The following DENND5A variants were observed in gnomAD, a reference collection of about 807,000 sequenced individuals.
DENND5A encodes DENN domain-containing protein 5A.
DENND5A carries 64 observed loss-of-function variants against 140.3 expected under a neutral mutation model. The ratio of observed to expected loss-of-function variants is 0.46; its 90% CI spans 0.37 to 0.56. The LOEUF is 0.56. Ranked by LOEUF, DENND5A falls within the 20% of genes least tolerant of loss-of-function variation. The pLI, the probability that DENND5A is intolerant of heterozygous loss-of-function variation, is 0.00. For synonymous variants in DENND5A, 605 were observed against 607.7 expected, an observed-to-expected ratio of 1.00 and a Z score of 0.07; for missense variants, 1,292 against 1,593.8, an observed-to-expected ratio of 0.81 and a Z score of 3.22.
rs1323281962 is a variant in DENND5A, at chr11:9,165,938, G to T, written c.2181C>A (p.Gly727=). Residue 727 remains glycine, a synonymous_variant, in exon 11 of 23, where the codon GGC becomes GGA. Transcript: ENST00000328194. The part of the protein sequence containing the change: ...EKYIQEARTM[G]STIRQPKLSN... The stretch of plus-strand genomic sequence containing the variant: ...ACAGTTTGGGCTGGCGGATAGTGCT[G>T]CCCATAGTCCTGGCTTCCTGGATGT... The T allele has an allele frequency of 3.1e-6, 5 of 1,614,152 alleles. No homozygotes were observed. Among genetic ancestry groups the T allele is most frequent in the Non-Finnish European group, 3.4e-6 (4 of 1,179,984 alleles).
intron 4 of DENND5A, among the ~76,000 whole-genome samples, chr11:9,194,617 A>C (rs991882873): frequency 4.0e-5 from 6 of 151,644 alleles, no homozygotes; most frequent in Non-Finnish European, 5.9e-5. Flanking sequence ...CAGAGGATTG[A>C]CTTTAGCTAC....
intron 1 of DENND5A, among the ~76,000 whole-genome samples, chr11:9,218,091 C>A (rs1027643488): frequency 6.6e-6 from 1 of 151,932 alleles, no homozygotes; most frequent in Admixed American, 6.6e-5. Context: ...CCCATCTGTA[C>A]AAAATAATAA....
intron 1 of DENND5A, among the ~76,000 whole-genome samples, chr11:9,249,311 G>T (rs1363355819): frequency 1.3e-5 from 2 of 151,732 alleles, no homozygotes; most frequent in African/African-American, 4.8e-5. Flanking sequence ...CATGTAATTT[G>T]TTATAAATCA....
intron 5 of DENND5A, among the ~76,000 whole-genome samples, chr11:9,189,871 C>G (rs572553953): frequency 6.6e-6 from 1 of 152,154 alleles, no homozygotes; most frequent in Non-Finnish European, 1.5e-5. Flanking sequence ...AACTCCCGAC[C>G]TCAGGTGATC....
At position 9,214,041 on chromosome 11, in the gene DENND5A, A is replaced by G. The variant is rs182814554; in HGVS notation, c.110-6409T>C. Among the ~76,000 whole-genome samples the G allele has an allele frequency of 1.9e-3, 290 of 152,336 alleles. 5 individuals are homozygous for G. Among genetic ancestry groups the G allele is most frequent in the Admixed American group, 0.018 (269 of 15,290 alleles). On this transcript the variant is annotated intron_variant, in intron 1 of 22. Transcript: ENST00000328194. ...GCATATTGGCATTCTGGGATATACT[A>G]AAATTGATACTACTGGTGACCAACC... is the stretch of plus-strand genomic sequence containing the variant.
intron 15 of DENND5A, among the ~76,000 whole-genome samples, chr11:9,147,435 A>G (rs1315986411): frequency 6.6e-6 from 1 of 152,220 alleles, no homozygotes; most frequent in Non-Finnish European, 1.5e-5. Flanking sequence ...CTCCTTTTCT[A>G]AACTGAGGGC....
chr11:9,151,283 A>G (rs960810191), intron 13 of DENND5A, among the ~76,000 whole-genome samples: 4 of 152,194 alleles, frequency 2.6e-5, no homozygotes, highest in African/African-American at 7.2e-5. Context: ...AAGAGAAGAT[A>G]TAATACCTTT....
intron 22 of DENND5A, 138 bp downstream of exon 22, chr11:9,141,791 AGGAAATTCAGG>A (rs1242197341): frequency 5.0e-6 from 3 of 599,272 alleles, no homozygotes; most frequent in Non-Finnish European, 8.1e-6. Flanking sequence ...CGATACACAG[AGGAAATTCAGG>A]GCTTCTAGGA....
intron 21 of DENND5A, 34 bp from the exon 22 acceptor site, chr11:9,142,142 G>T (rs1590201212): frequency 6.5e-7 from 1 of 1,540,458 alleles, no homozygotes; most frequent in East Asian, 2.3e-5. Context: ...CAGTGAAAAG[G>T]CTCTCAACAC....
intron 12 of DENND5A, among the ~76,000 whole-genome samples, chr11:9,153,692 T>C (rs1001540995): frequency 6.6e-6 from 1 of 152,182 alleles, no homozygotes; most frequent in Non-Finnish European, 1.5e-5. Flanking sequence ...GGATTTACTA[T>C]TGAAGGTATA....
At chr11:9,164,325 T>A (rs1848114302) in intron 11 of DENND5A, among the ~76,000 whole-genome samples, 1 of 148,206 alleles carries the variant, frequency 6.7e-6, no homozygotes, top group South Asian at 2.2e-4. Context: ...AGTGCCAGGA[T>A]TACAGGCATG....
chr11:9,257,656 G>T (rs1357917261), intron 1 of DENND5A, among the ~76,000 whole-genome samples: 1 of 149,706 alleles, frequency 6.7e-6, no homozygotes, highest in Admixed American at 6.6e-5. Flanking sequence ...TAATTTTTTT[G>T]AATTTTTAGT....
chr11:9,191,807 C>T (rs1357117982), intron 5 of DENND5A, among the ~76,000 whole-genome samples: 1 of 152,142 alleles, frequency 6.6e-6, no homozygotes, highest in African/African-American at 2.4e-5. Context: ...CCACCTTCAA[C>T]AATTTTTTGT....
intron 4 of DENND5A, among the ~76,000 whole-genome samples, chr11:9,200,241 G>A (rs560902995): frequency 2.6e-5 from 4 of 152,106 alleles, no homozygotes; most frequent in African/African-American, 7.2e-5. Flanking sequence ...TATATAGTTT[G>A]GTTTCCTCCT....
intron 1 of DENND5A, among the ~76,000 whole-genome samples, chr11:9,240,985 T>C (rs1334663730): frequency 6.6e-6 from 1 of 152,206 alleles, no homozygotes; most frequent in Non-Finnish European, 1.5e-5. Flanking sequence ...ATGTGAATAG[T>C]TGTCTTGACA....
At chr11:9,258,660 T>G (rs997503564) in intron 1 of DENND5A, among the ~76,000 whole-genome samples, 1 of 152,120 alleles carries the variant, frequency 6.6e-6, no homozygotes, top group Non-Finnish European at 1.5e-5. Flanking sequence ...TTTTTGCTTG[T>G]TCCCCCCGCA....
At chr11:9,163,803 C>CAAA (rs569894796) in intron 11 of DENND5A, among the ~76,000 whole-genome samples, 1 of 46,202 alleles carries the variant, frequency 2.2e-5, no homozygotes, top group Non-Finnish European at 4.5e-5. Context: ...GACTCCATCT[C>CAAA]AAAAAAAAAA....
chr11:9,202,858 C>T (rs371491717), intron 4 of DENND5A, among the ~76,000 whole-genome samples: 11 of 152,202 alleles, frequency 7.2e-5, no homozygotes, highest in Non-Finnish European at 1.0e-4. Flanking sequence ...CCTACCTAAC[C>T]ACCCTATTAC....
intron 4 of DENND5A, among the ~76,000 whole-genome samples, chr11:9,197,884 A>T (rs758904035): frequency 6.6e-6 from 1 of 152,230 alleles, no homozygotes; most frequent in Non-Finnish European, 1.5e-5. Flanking sequence ...TGCCTTAAGC[A>T]ATCATTATTT....
Sources: allele counts gnomAD v4.1 joint callset (sites outside exome capture counted in the v4.1 genomes callset), GRCh38; gene constraint gnomAD v4.1.1; transcripts MANE v1.5; gene names NCBI Gene and HGNC (gene_info 2026-07-23, HGNC 2026-07-21).